Variants in PDE4D observed in about 807,000 individuals in gnomAD.
The protein encoded by PDE4D is phosphodiesterase 4D, also known as 3',5'-cyclic-AMP phosphodiesterase 4D.
PDE4D carries 24 observed loss-of-function variants against 87.4 expected under a neutral mutation model. The observed-to-expected ratio is 0.27, with a 90% CI of 0.20 to 0.39. PDE4D has a LOEUF of 0.39. Ranked by LOEUF, PDE4D falls within the 10% of genes least tolerant of loss-of-function variation. PDE4D has a pLI of 1.00. For missense variants in PDE4D, 714 were observed against 1,041.0 expected, an observed-to-expected ratio of 0.69 and a Z score of 4.32; for synonymous variants, 384 against 383.2, an observed-to-expected ratio of 1.00 and a Z score of -0.02.
chr5:59,003,194 A>G (rs550464078), intron 6 of PDE4D, among the ~76,000 whole-genome samples: 1 of 152,316 alleles, frequency 6.6e-6, no homozygotes, highest in African/African-American at 2.4e-5. Flanking sequence ...CCTCAAATCC[A>G]GCCGCAGCCT....
chr5:59,606,034 T>C (rs1255934128), intron 1 of PDE4D, among the ~76,000 whole-genome samples: 1 of 152,120 alleles, frequency 6.6e-6, no homozygotes, highest in Non-Finnish European at 1.5e-5. Context: ...TTGATATACA[T>C]ATATTCATAT....
At chr5:59,311,580 C>A (rs190122553) in intron 1 of PDE4D, among the ~76,000 whole-genome samples, 6 of 151,150 alleles carry the variant, frequency 4.0e-5, no homozygotes, top group Admixed American at 4.0e-4. Flanking sequence ...CCTTACTCTT[C>A]CCTGTTCTGT....
chr5:60,498,505 C>G (rs1406462708), intron 1 of PDE4D, among the ~76,000 whole-genome samples: 3 of 152,170 alleles, frequency 2.0e-5, no homozygotes, highest in African/African-American at 7.2e-5. Flanking sequence ...AGAACTTGTA[C>G]AAATGGGGCC....
intron 5 of PDE4D, among the ~76,000 whole-genome samples, chr5:59,056,929 G>A (rs10045258): frequency 0.046 from 6,949 of 152,164 alleles, 527 homozygotes; most frequent in African/African-American, 0.16. Context: ...TGAGAATTCC[G>A]TTACATTTTG....
chr5:60,212,629 C>T (rs765561225), intron 1 of PDE4D, among the ~76,000 whole-genome samples: 22 of 152,152 alleles, frequency 1.4e-4, no homozygotes. Context: ...AGAGGGCAGA[C>T]AAGCAAAGCA....
chr5:60,358,111 C>A (rs190573375), intron 1 of PDE4D, among the ~76,000 whole-genome samples: 13 of 152,324 alleles, frequency 8.5e-5, no homozygotes, highest in African/African-American at 2.9e-4. Context: ...GGAACCCAGG[C>A]AGTCTGGCAA....
rs768946558 is a variant in PDE4D, at chr5:59,180,325, A to C, written c.808+270T>G. 4.6e-5 allele frequency: 29 copies of C among 625,630 alleles called. No individual in the cohort carries two copies. The Admixed American group carries it at 5.9e-4, about 13-fold the overall frequency. 38.8% of individuals were successfully genotyped at this position (625,630 alleles called of 1,614,324 possible). On this transcript the variant is annotated intron_variant, in intron 5 of 14. Transcript: ENST00000340635. ...AGTAACATCATCTCTCAAAATACAA[A>C]TGCCCAGAGCAATGCTCAAATGAGT...
chr5:60,501,246 A>T (rs1455860502), intron 1 of PDE4D, among the ~76,000 whole-genome samples: 1 of 151,686 alleles, frequency 6.6e-6, no homozygotes, highest in Admixed American at 6.6e-5. Flanking sequence ...TAAGAATATG[A>T]GGTGTTTGGT....
chr5:59,634,553 A>C (rs1831995180), intron 1 of PDE4D, among the ~76,000 whole-genome samples: 1 of 152,186 alleles, frequency 6.6e-6, no homozygotes, highest in South Asian at 2.1e-4. Context: ...ACCACAGTGC[A>C]ATCAAGTTAG....
intron 5 of PDE4D, among the ~76,000 whole-genome samples, chr5:59,123,019 T>C (rs1256456536): frequency 6.6e-6 from 1 of 151,930 alleles, no homozygotes; most frequent in Non-Finnish European, 1.5e-5. Context: ...TTCTGCATTC[T>C]CTGTTTTTTT....
At chr5:60,458,636 T>C (rs1561279421) in intron 1 of PDE4D, among the ~76,000 whole-genome samples, 1 of 152,110 alleles carries the variant, frequency 6.6e-6, no homozygotes, top group Non-Finnish European at 1.5e-5. Context: ...TAGTCTGTCA[T>C]GGGAGGCTGG....
intron 1 of PDE4D, among the ~76,000 whole-genome samples, chr5:59,864,856 A>G (rs1256534107): frequency 1.3e-5 from 2 of 152,162 alleles, no homozygotes; most frequent in Non-Finnish European, 2.9e-5. Context: ...AGAGGCTGAT[A>G]CATGATGTCA....
chr5:59,220,655 T>C (rs1752352635), intron 1 of PDE4D, among the ~76,000 whole-genome samples: 1 of 152,056 alleles, frequency 6.6e-6, no homozygotes, highest in Non-Finnish European at 1.5e-5. Context: ...GCTGAAATTA[T>C]AGATGGCTTC....
At chr5:60,444,413 C>T (rs1440958337) in intron 1 of PDE4D, among the ~76,000 whole-genome samples, 1 of 152,088 alleles carries the variant, frequency 6.6e-6, no homozygotes, top group African/African-American at 2.4e-5. Flanking sequence ...TCTGTGGTTA[C>T]AAAAACACAG....
chr5:59,191,602 T>G (rs1409717018), intron 3 of PDE4D, among the ~76,000 whole-genome samples: 1 of 152,026 alleles, frequency 6.6e-6, no homozygotes, highest in Non-Finnish European at 1.5e-5. Flanking sequence ...AGAGTCTTGC[T>G]CTGTCACCCA....
chr5:59,703,163 A>G (rs1435353095), intron 1 of PDE4D, among the ~76,000 whole-genome samples: 1 of 152,132 alleles, frequency 6.6e-6, no homozygotes, highest in African/African-American at 2.4e-5. Flanking sequence ...TTTGGAAAAA[A>G]ATAACTTTAG....
At chr5:59,638,933 T>C (rs1172854049) in intron 1 of PDE4D, among the ~76,000 whole-genome samples, 1 of 152,188 alleles carries the variant, frequency 6.6e-6, no homozygotes, top group African/African-American at 2.4e-5. Context: ...TCACAGTTTC[T>C]TGCCAGAAGC....
chr5:60,480,386 G>GCTT (rs1748639901), intron 1 of PDE4D, among the ~76,000 whole-genome samples: 1 of 151,978 alleles, frequency 6.6e-6, no homozygotes, highest in Non-Finnish European at 1.5e-5. Flanking sequence ...TACGTAAAAT[G>GCTT]TAAAGCATTT....
At chr5:59,748,473 A>T (rs555204617) in intron 1 of PDE4D, among the ~76,000 whole-genome samples, 1 of 152,298 alleles carries the variant, frequency 6.6e-6, no homozygotes, top group Admixed American at 6.5e-5. Context: ...ATGCAGCCAT[A>T]AAAAAGGATG....
Sources: allele counts gnomAD v4.1 joint callset (sites outside exome capture counted in the v4.1 genomes callset), GRCh38; gene constraint gnomAD v4.1.1; transcripts MANE v1.5; gene names NCBI Gene and HGNC (gene_info 2026-07-23, HGNC 2026-07-21).